Variants in BRPF3 observed in about 807,000 individuals in gnomAD.
BRPF3 encodes the protein bromodomain and PHD finger-containing protein 3.
Under a neutral mutation model 102.0 loss-of-function variants are expected in BRPF3, and 18 were observed. The ratio of observed to expected loss-of-function variants is 0.18; its 90% CI spans 0.12 to 0.26. The LOEUF (loss-of-function observed/expected upper bound fraction) is 0.26, where lower values mean the gene tolerates loss of function less well. Ranked by LOEUF, BRPF3 falls within the 10% of genes least tolerant of loss-of-function variation. The pLI, the probability that BRPF3 is intolerant of heterozygous loss-of-function variation, is 1.00. For synonymous variants in BRPF3, 570 were observed against 614.2 expected (o/e 0.93, Z 1.06); for missense variants, 1,147 against 1,567.8 (o/e 0.73, Z 4.53).
intron 1 of BRPF3, among the ~76,000 whole-genome samples, chr6:36,199,202 C>T (rs1477143068): frequency 6.6e-6 from 1 of 152,202 alleles, no homozygotes; most frequent in African/African-American, 2.4e-5. Context: ...TGAGCTCTGC[C>T]TCCTGTCAGA....
chr6:36,203,286 A>G (rs920528160), intron 2 of BRPF3, among the ~76,000 whole-genome samples: 1 of 152,246 alleles, frequency 6.6e-6, no homozygotes, highest in South Asian at 2.1e-4. Context: ...TTATTTGTAA[A>G]TGAACCCACC....
intron 9 of BRPF3, among the ~76,000 whole-genome samples, chr6:36,218,266 G>A (rs1768402896): frequency 6.6e-6 from 1 of 152,018 alleles, no homozygotes; most frequent in Admixed American, 6.6e-5. Context: ...GACTCTAGAG[G>A]ATAAGAAAAG....
At chr6:36,213,014 C>T (rs1171592734) in intron 7 of BRPF3, among the ~76,000 whole-genome samples, 1 of 152,104 alleles carries the variant, frequency 6.6e-6, no homozygotes. Flanking sequence ...TTGGCAACCA[C>T]TGATTTAACT....
chr6:36,204,838 C>T, intron 3 of BRPF3, 24 bp downstream of exon 3: 1 of 1,607,588 alleles, frequency 6.2e-7, no homozygotes, highest in South Asian at 1.1e-5. Flanking sequence ...TGATTTGAGG[C>T]TGGTAGAGGG....
intron 4 of BRPF3, among the ~76,000 whole-genome samples, chr6:36,209,238 G>A (rs921991679): frequency 1.3e-5 from 2 of 152,114 alleles, no homozygotes; most frequent in African/African-American, 4.8e-5. Context: ...CTGTTTCAGG[G>A]TTATCGTGAT....
In BRPF3 at chr6:36,230,483, G is replaced by C; in HGVS notation, c.3492G>C (p.Lys1164Asn). ...TGGGTGTGGAAGACACCGTGGACAA[G>C]CTCAAGATGCTGGAAGGCCGCAAGA... ...LPLGVEDTVDKLKMLEGRKTS... is the reference protein window; with the variant it reads ...LPLGVEDTVDNLKMLEGRKTS... The change falls in exon 13 of 13, where the codon AAG becomes AAC. Residue 1164 changes from lysine to asparagine, a missense_variant. Physicochemically the swap from Lys to Asn is moderately conservative, Grantham distance 94. Coordinates refer to ENST00000357641, the MANE Select transcript of BRPF3 (RefSeq NM_015695.3). The surrounding 1 kb of genome is among the most constrained non-coding windows in gnomAD (Gnocchi z 5.4). 3 of 1,614,178 alleles carry C rather than the reference G, an allele frequency of 1.9e-6. No individual in the cohort carries two copies. The highest frequency in any genetic ancestry group is 2.5e-6 in the Non-Finnish European group (3 of 1,180,010).
intron 9 of BRPF3, among the ~76,000 whole-genome samples, chr6:36,219,860 C>T (rs1768473126): frequency 6.6e-6 from 1 of 152,312 alleles, no homozygotes; most frequent in South Asian, 2.1e-4. Context: ...AACCCATCCC[C>T]CACACTCCCT....
Position 36,210,179 on chromosome 6 carries a change from A to C in BRPF3, c.1867-37A>C, listed in dbSNP as rs1463270811. The C allele has an allele frequency of 6.2e-7, 1 of 1,608,914 alleles. No homozygotes were observed. Among genetic ancestry groups the C allele is most frequent in the Non-Finnish European group, 8.5e-7 (1 of 1,175,454 alleles). The stretch of plus-strand genomic sequence containing the variant: ...GAAGGGTGTGTCTGTTTGGCTAGTA[A>C]ATGGTTGTTGTAATTGTACAGGTTT... On this transcript the variant is annotated intron_variant, in intron 5 of 12. Coordinates refer to ENST00000357641, the MANE Select transcript of BRPF3 (RefSeq NM_015695.3). This position sits in a 1 kb window ranked among gnomAD's most constrained non-coding sequence, Gnocchi z 4.7.
rs779654299 is a variant in BRPF3 at position 36,230,571 on chromosome 6, C to T, written c.3580C>T (p.Arg1194Trp). Residue 1194 changes from arginine (R) to tryptophan (W), a missense_variant, in exon 13 of 13, where the codon CGG becomes TGG. Arg to Trp is a moderately radical substitution (Grantham distance 101). Coordinates refer to ENST00000357641, the MANE Select transcript of BRPF3 (RefSeq NM_015695.3). The surrounding 1 kb of genome is among the most constrained non-coding windows in gnomAD (Gnocchi z 5.4). The stretch of plus-strand genomic sequence containing the variant: ...TGCGATGATCCACCTGAGCAGAGTC[C>T]GGGGGCCCCACTCCTTCGTCACTTC... ...DRAMIHLSRV[R>W]GPHSFVTSSY... The T allele has an allele frequency of 3.7e-6, 6 of 1,614,092 alleles. No homozygotes were observed. Among genetic ancestry groups the T allele is most frequent in the African/African-American group, 1.3e-5 (1 of 75,042 alleles).
intron 4 of BRPF3, 99 bp from the exon 5 acceptor site, chr6:36,209,688 T>C (rs761770472): frequency 9.5e-5 from 139 of 1,458,154 alleles, no homozygotes; most frequent in Non-Finnish European, 1.3e-4. Flanking sequence ...TATGAAAATT[T>C]GTTGTACAAG....
chr6:36,207,223 T>C, intron 3 of BRPF3, 90 bp from the exon 4 acceptor site: 1 of 1,529,258 alleles, frequency 6.5e-7, no homozygotes, highest in Non-Finnish European at 8.9e-7. Context: ...GGGACAAGAC[T>C]TTTACCTGCT....
intron 11 of BRPF3, 34 bp downstream of exon 11, chr6:36,225,398 C>A: frequency 6.4e-7 from 1 of 1,574,236 alleles, no homozygotes; most frequent in Non-Finnish European, 8.7e-7. Context: ...CTCCTATCTC[C>A]CCTGCCTTGC....
chr6:36,216,238 C>T (rs1768323883), intron 8 of BRPF3, among the ~76,000 whole-genome samples: 1 of 152,188 alleles, frequency 6.6e-6, no homozygotes, highest in South Asian at 2.1e-4. Context: ...AAGCACTTGG[C>T]ATATAGCAGT....
intron 9 of BRPF3, among the ~76,000 whole-genome samples, chr6:36,221,685 T>C (rs937794655): frequency 6.6e-6 from 1 of 152,172 alleles, no homozygotes; most frequent in African/African-American, 2.4e-5. Flanking sequence ...AATTTAAAAA[T>C]GTCTTTTCTA....
intron 2 of BRPF3, among the ~76,000 whole-genome samples, chr6:36,202,935 G>C (rs1462781848): frequency 6.6e-6 from 1 of 152,122 alleles, no homozygotes; most frequent in Non-Finnish European, 1.5e-5. Context: ...GCCAGGCTGG[G>C]AAGAAGACAT....
chr6:36,206,217 G>A (rs1767900225), intron 3 of BRPF3, among the ~76,000 whole-genome samples: 1 of 152,110 alleles, frequency 6.6e-6, no homozygotes, highest in African/African-American at 2.4e-5. Flanking sequence ...ATGCTGTTGG[G>A]ATCCTCCATG....
In BRPF3 at chr6:36,210,346, T is replaced by C. The variant is rs751893400; in HGVS notation, c.1997T>C (p.Met666Thr). The C allele has an allele frequency of 3.7e-6, 6 of 1,614,186 alleles. No homozygotes were observed. The East Asian group carries it at 1.3e-4, about 36-fold the overall frequency. ...EDFNLIVTNC[M>T]KYNAKDTIFH... is the part of the protein sequence containing the mutation. ...TTTAACCTTATAGTTACCAACTGCATGAAGTATAATGCTAAAGACACAATT... is the reference window on the plus strand; with the variant it reads ...TTTAACCTTATAGTTACCAACTGCACGAAGTATAATGCTAAAGACACAATT... Residue 666 changes from methionine (M) to threonine (T), a missense_variant, in exon 6 of 13, where the codon ATG becomes ACG. Met to Thr is a moderately conservative substitution (Grantham distance 81). This residue lies in a region of BRPF3 where 109 missense variants were observed against 175.1 expected (regional missense o/e 0.62). Transcript: ENST00000357641. This position sits in a 1 kb window ranked among gnomAD's most constrained non-coding sequence, Gnocchi z 4.7.
chr6:36,214,408 C>A, intron 8 of BRPF3, 22 bp downstream of exon 8: 1 of 1,528,152 alleles, frequency 6.5e-7, no homozygotes, highest in Non-Finnish European at 8.7e-7. Context: ...TGTGACTTCT[C>A]TTGATACTTC....
At chr6:36,226,016 T>C (rs1768727376) in intron 11 of BRPF3, among the ~76,000 whole-genome samples, 1 of 152,246 alleles carries the variant, frequency 6.6e-6, no homozygotes, top group African/African-American at 2.4e-5. Flanking sequence ...TTAAACATTC[T>C]TCATCAACAT....
Sources: allele counts gnomAD v4.1 joint callset (sites outside exome capture counted in the v4.1 genomes callset), GRCh38; gene constraint gnomAD v4.1.1; regional missense constraint gnomAD v4.1.1; non-coding constraint Gnocchi (gnomAD v3.1); transcripts MANE v1.5; gene names NCBI Gene and HGNC (gene_info 2026-07-23, HGNC 2026-07-21).